APOLD1: variants seen among roughly 807,000 people sequenced by gnomAD.
The protein encoded by APOLD1 is apolipoprotein L domain containing 1, also known as apolipoprotein L domain-containing protein 1.
In APOLD1, 22 loss-of-function variants were observed where a neutral mutation model predicts 15.3. The observed-to-expected ratio is 1.44, with a 90% CI of 1.03 to 2.05. APOLD1 has a LOEUF of 2.05. Among genes scored for constraint, APOLD1 ranks in the 30% most tolerant of loss-of-function variants. The pLI, the probability that APOLD1 is intolerant of heterozygous loss-of-function variation, is 0.00. For synonymous variants in APOLD1, 190 were observed against 167.4 expected (o/e 1.13, Z -1.04); for missense variants, 394 against 353.5 (o/e 1.11, Z -0.92).
chr12:12,749,765 G>C (rs889270540), intron 1 of APOLD1, among the ~76,000 whole-genome samples: 2 of 152,182 alleles, frequency 1.3e-5, no homozygotes, highest in African/African-American at 4.8e-5. Context: ...TTGAGCCGCT[G>C]CTCAGGCCGC....
At chr12:12,730,964 A>T (rs1057466605) in intron 1 of APOLD1, among the ~76,000 whole-genome samples, 1 of 151,516 alleles carries the variant, frequency 6.6e-6, no homozygotes, top group Non-Finnish European at 1.5e-5. Context: ...ACACGGTGAA[A>T]CCCCGTCTCT....
rs185619487 is a variant in APOLD1 at position 12,770,359 on chromosome 12, C to T, written c.97-16550C>T. The stretch of plus-strand genomic sequence containing the variant: ...GGCAGAGGTTGCACTGAGCCGAAAT[C>T]GTGCCTTTGCACTACAGCCTGGGTG... On this transcript the variant is annotated intron_variant, in intron 1 of 1. Transcript: ENST00000326765. 5.7e-4 allele frequency among the ~76,000 whole-genome samples: 87 copies of T among 152,222 alleles called. No homozygotes were observed. In the East Asian group the frequency reaches 6.0e-3, roughly 10 times the overall value.
exon 1 of APOLD1, chr12:12,725,997 A>G: frequency 6.6e-7 from 1 of 1,506,666 alleles, no homozygotes; most frequent in Non-Finnish European, 8.9e-7. Context: ...CAACTCGTTC[A>G]CGGATGTTCC....
chr12:12,735,775 C>CAATAAATAAATAAACAAATAAATA (rs1946680147), intron 1 of APOLD1, among the ~76,000 whole-genome samples: 1 of 150,448 alleles, frequency 6.6e-6, no homozygotes, highest in African/African-American at 2.4e-5. Context: ...CTCATTTCTA[C>CAATAAATAAATAAACAAATAAATA]AATAAATAAA....
chr12:12,785,608 C>G, upstream of APOLD1: 1 of 1,613,418 alleles, frequency 6.2e-7, no homozygotes, highest in Admixed American at 1.7e-5. Flanking sequence ...TTTCCCAGGG[C>G]AGCCATTGGT....
chr12:12,727,371 C>T (rs1212701676), intron 1 of APOLD1, among the ~76,000 whole-genome samples: 2 of 151,942 alleles, frequency 1.3e-5, no homozygotes, highest in African/African-American at 4.8e-5. Flanking sequence ...TTCCATTTTA[C>T]TTTTTTAGTG....
At chr12:12,728,690 A>AAAAAAAAG (rs779176543) in intron 1 of APOLD1, among the ~76,000 whole-genome samples, 80 of 139,392 alleles carry the variant, frequency 5.7e-4, no homozygotes, top group South Asian at 1.1e-3. Flanking sequence ...AAAAAAAAAA[A>AAAAAAAAG]AGAGAGAGAA....
chr12:12,737,808 C>T (rs774291580), intron 1 of APOLD1, among the ~76,000 whole-genome samples: 8 of 152,082 alleles, frequency 5.3e-5, no homozygotes, highest in African/African-American at 7.2e-5. Flanking sequence ...TTTGTTCAAC[C>T]GTGGGAATGT....
At chr12:12,734,107 A>T (rs1418507199) in intron 1 of APOLD1, among the ~76,000 whole-genome samples, 1 of 152,196 alleles carries the variant, frequency 6.6e-6, no homozygotes, top group Non-Finnish European at 1.5e-5. Context: ...ATGTTTGTGT[A>T]CATGGTTTGG....
chr12:12,750,294 C>T (rs1220583492), intron 1 of APOLD1, among the ~76,000 whole-genome samples: 1 of 141,600 alleles, frequency 7.1e-6, no homozygotes, highest in Non-Finnish European at 1.5e-5. Context: ...ATCGCTTGAA[C>T]CCGGGAGACG....
intron 1 of APOLD1, among the ~76,000 whole-genome samples, chr12:12,737,573 T>C (rs374321397): frequency 1.6e-4 from 24 of 152,328 alleles, no homozygotes; most frequent in African/African-American, 4.8e-4. Flanking sequence ...TTACCTTCTC[T>C]GTTTCCTTTC....
At chr12:12,753,714 G>A (rs527287899) in intron 1 of APOLD1, among the ~76,000 whole-genome samples, 1 of 152,116 alleles carries the variant, frequency 6.6e-6, no homozygotes, top group East Asian at 1.9e-4. Context: ...AGGGAAGAGA[G>A]GCAGTGCATT....
chr12:12,740,907 C>A (rs971974425), intron 1 of APOLD1, among the ~76,000 whole-genome samples: 2 of 152,116 alleles, frequency 1.3e-5, no homozygotes, highest in Non-Finnish European at 1.5e-5. Context: ...GAGGCTGAGG[C>A]AGGAGGCTAT....
intron 1 of APOLD1, among the ~76,000 whole-genome samples, chr12:12,732,729 C>CAAAAAAAAAAAA (rs34221371): frequency 1.1e-5 from 1 of 87,694 alleles, no homozygotes; most frequent in African/African-American, 3.6e-5. Flanking sequence ...GACTCTGTCT[C>CAAAAAAAAAAAA]AAAAAAAAAA....
At chr12:12,755,389 C>T (rs764099734) in intron 1 of APOLD1, among the ~76,000 whole-genome samples, 6 of 151,532 alleles carry the variant, frequency 4.0e-5, no homozygotes, top group Non-Finnish European at 5.9e-5. Context: ...ATACCCAAAC[C>T]GTAAAGGAAA....
chr12:12,735,582 A>C (rs1946678298), intron 1 of APOLD1, among the ~76,000 whole-genome samples: 2 of 152,146 alleles, frequency 1.3e-5, no homozygotes, highest in Admixed American at 1.3e-4. Flanking sequence ...TTTTTAAGCC[A>C]CATTAGGAAT....
intron 1 of APOLD1, among the ~76,000 whole-genome samples, chr12:12,762,667 T>G (rs2136386998): frequency 6.6e-6 from 1 of 152,212 alleles, no homozygotes; most frequent in East Asian, 1.9e-4. Context: ...CCTGACTTTT[T>G]TCCTTTTATT....
intron 1 of APOLD1, 72 bp from the exon 2 acceptor site, chr12:12,786,837 G>T: frequency 7.4e-7 from 1 of 1,342,682 alleles, no homozygotes; most frequent in Non-Finnish European, 9.5e-7. Flanking sequence ...TCCCGCTGGC[G>T]TCCGGGCAGC....
At chr12:12,739,584 A>G (rs978360423) in intron 1 of APOLD1, among the ~76,000 whole-genome samples, 1 of 152,220 alleles carries the variant, frequency 6.6e-6, no homozygotes, top group Non-Finnish European at 1.5e-5. Flanking sequence ...TAAAATTTCT[A>G]AAAGGAGAAA....
Sources: gnomAD v4.1 joint callset for allele counts (sites outside exome capture counted in the v4.1 genomes callset) on GRCh38, gnomAD v4.1.1 for gene constraint, MANE v1.5 for transcripts, NCBI Gene and HGNC (gene_info 2026-07-23, HGNC 2026-07-21) for gene names.